MST1: variants seen among roughly 807,000 people sequenced by gnomAD.
MST1 encodes the protein hepatocyte growth factor-like protein.
Under a neutral mutation model 100.1 loss-of-function variants are expected in MST1, and 76 were observed. The ratio of observed to expected loss-of-function variants is 0.76; its 90% CI spans 0.63 to 0.92. The LOEUF (loss-of-function observed/expected upper bound fraction) is 0.92. Ranked by LOEUF, MST1 falls within the 40% of genes least tolerant of loss-of-function variation. The probability of loss-of-function intolerance (pLI) is 0.00; values close to 1 mark genes in which losing one functional copy is unlikely to be tolerated. For synonymous variants in MST1, 352 were observed against 385.4 expected (o/e 0.91, Z 1.01); for missense variants, 850 against 990.0 (o/e 0.86, Z 1.90).
Position 49,685,389 on chromosome 3 carries a change from G to A in MST1, c.1424-7C>T. 1.2e-6 allele frequency: 2 copies of A among 1,613,732 alleles called. No homozygotes were observed. The highest frequency in any genetic ancestry group is 1.7e-5 in the Admixed American group (1 of 60,018). ...TTCTCAAACTGCACCTGGTCTGTAGGATGGGGTGGGCTGGATGAAACCCAG... is the reference window on the plus strand; with the variant it reads ...TTCTCAAACTGCACCTGGTCTGTAGAATGGGGTGGGCTGGATGAAACCCAG... On this transcript the variant is annotated splice_polypyrimidine_tract_variant and splice_region_variant and intron_variant, in intron 12 of 17. Coordinates refer to ENST00000449682, the MANE Select transcript of MST1 (RefSeq NM_020998.4).
At chr3:49,685,174 C>A in intron 13 of MST1, 85 bp from the exon 14 acceptor site, 3 of 1,598,634 alleles carry the variant, frequency 1.9e-6, no homozygotes, top group Non-Finnish European at 2.6e-6. Flanking sequence ...CCTCTGGGGG[C>A]AGGGATAGAT....
chr3:49,686,296 C>G lies in MST1; in HGVS notation c.1016+17G>C, dbSNP rs1156303014. On this transcript the variant is annotated intron_variant, in intron 8 of 17. Coordinates refer to ENST00000449682, the MANE Select transcript of MST1 (RefSeq NM_020998.4). ...GCAGCAGCACGTCCCAACGCCCGCCCCCCCCCCCCACCTCACTTGCACGCG... is the reference window on the plus strand; with the variant it reads ...GCAGCAGCACGTCCCAACGCCCGCCGCCCCCCCCCACCTCACTTGCACGCG... 10 of 1,323,854 alleles carry G rather than the reference C, an allele frequency of 7.6e-6. No individual in the cohort carries two copies. Among genetic ancestry groups the G allele is most frequent in the Non-Finnish European group, 9.2e-6 (9 of 977,812 alleles). 82.0% of individuals were successfully genotyped at this position (1,323,854 alleles called of 1,614,324 possible).
At chr3:49,685,552 G>A (rs757078683) in intron 11 of MST1, 44 bp downstream of exon 11, 11 of 1,613,258 alleles carry the variant, frequency 6.8e-6, no homozygotes, top group Non-Finnish European at 7.6e-6. Flanking sequence ...GCCTTTGGGT[G>A]GGGGCTGAGG....
In MST1 at chr3:49,687,751, G is replaced by A. The variant is rs191996618; in HGVS notation, c.241C>T (p.Arg81Trp). Residue 81 changes from arginine (R) to tryptophan (W), a missense_variant and splice_region_variant, in exon 2 of 18, where the codon CGG (arginine) becomes TGG (tryptophan). Around this residue, in one of 2 missense-constraint regions of MST1, gnomAD observed 816 missense variants for 924.6 expected, o/e 0.88. Coordinates refer to ENST00000449682, the MANE Select transcript of MST1 (RefSeq NM_020998.4). ...TATCTAGGCCCAGTGGCCACTCACCGGCAGTCCATTAAGGGCCCACAGCGA... is the reference window on the plus strand; with the variant it reads ...TATCTAGGCCCAGTGGCCACTCACCAGCAGTCCATTAAGGGCCCACAGCGA... ...AGRCGPLMDCRAFHYNVSSHG... is the reference protein window; with the variant it reads ...AGRCGPLMDCWAFHYNVSSHG... The A allele has an allele frequency of 6.8e-6, 11 of 1,613,462 alleles. No homozygotes were observed. The highest frequency in any genetic ancestry group is 4.5e-5 in the East Asian group (2 of 44,882).
In MST1 at chr3:49,687,197, C is replaced by T. The variant is rs770716478; in HGVS notation, c.559G>A (p.Asp187Asn). The T allele has an allele frequency of 6.2e-7, 1 of 1,613,434 alleles. No homozygotes were observed. The highest frequency in any genetic ancestry group is 8.5e-7 in the Non-Finnish European group (1 of 1,179,884). Residue 187 changes from aspartate to asparagine, a missense_variant, in exon 5 of 18, where the codon GAC becomes AAC. Coordinates refer to ENST00000449682, the MANE Select transcript of MST1 (RefSeq NM_020998.4). ...DPGGPWCYTTDPAVRFQSCGI... is the reference protein window; with the variant it reads ...DPGGPWCYTTNPAVRFQSCGI... ...CAGCTCTGGAAGCGCACAGCAGGGT[C>T]TGTTGTGTAGCACCAAGGACCTCCG...
Position 49,687,435 on chromosome 3 carries a change from C to T in MST1, c.399G>A (p.Arg133=). The change falls in exon 4 of 18, where the codon CGG becomes CGA. Residue 133 remains arginine (R), a synonymous_variant. Transcript: ENST00000449682. The stretch of plus-strand genomic sequence containing the variant: ...CACCCACGGTCGTGGCCATGGTGCC[C>T]CGGTACCCAACCCCATTGTTCATGA... The part of the protein sequence containing the change: ...TCIMNNGVGY[R]GTMATTVGGL... The T allele has an allele frequency of 1.2e-6, 2 of 1,613,418 alleles. No homozygotes were observed. The highest frequency in any genetic ancestry group is 1.7e-6 in the Non-Finnish European group (2 of 1,179,872).
In MST1 at chr3:49,687,269, G is replaced by T; in HGVS notation, c.487C>A (p.Arg163=). 1 of 1,613,550 alleles carries T rather than the reference G, an allele frequency of 6.2e-7. No homozygotes were observed. The change falls in exon 5 of 18, where the codon CGG becomes AGG. Residue 163 remains arginine (R), a synonymous_variant. Coordinates refer to ENST00000449682, the MANE Select transcript of MST1 (RefSeq NM_020998.4). ...PNDHKYTPTL[R]NGLEENFCRN... is the part of the protein sequence containing the mutation. Reference sequence around the variant, plus strand: ...CAGAAGTTCTCTTCCAGGCCATTCCGGAGAGTGGGCGTGTACCTGAGGGCC... The same window carrying T: ...CAGAAGTTCTCTTCCAGGCCATTCCTGAGAGTGGGCGTGTACCTGAGGGCC...
In MST1 at chr3:49,684,094, C is replaced by G; in HGVS notation, c.2112G>C (p.Trp704Cys). The G allele has an allele frequency of 6.2e-7, 1 of 1,613,682 alleles. No homozygotes were observed. Among genetic ancestry groups the G allele is most frequent in the South Asian group, 1.1e-5 (1 of 91,072 alleles). Residue 704 changes from tryptophan to cysteine, a missense_variant, in exon 18 of 18, where the codon TGG becomes TGC. Physicochemically the swap from Trp to Cys is radical, Grantham distance 215. Around this residue, in one of 2 missense-constraint regions of MST1, gnomAD observed 816 missense variants for 924.6 expected, o/e 0.88. Transcript: ENST00000449682. ...CAGAGACACGCGTGAAGACAGCTGGCCAGCGGGACCTTGCGCATACTCGGT... is the reference window on the plus strand; with the variant it reads ...CAGAGACACGCGTGAAGACAGCTGGGCAGCGGGACCTTGCGCATACTCGGT... ...IPNRVCARSR[W>C]PAVFTRVSVF... is the part of the protein sequence containing the mutation.
In MST1 at chr3:49,686,077, C is replaced by A; in HGVS notation, c.1132G>T (p.Asp378Tyr). The A allele has an allele frequency of 6.2e-7, 1 of 1,610,340 alleles. No individual in the cohort carries two copies. The highest frequency in any genetic ancestry group is 2.2e-5 in the East Asian group (1 of 44,832). Residue 378 changes from aspartate to tyrosine, a missense_variant, in exon 9 of 18, where the codon GAC (aspartate) becomes TAC (tyrosine). Around this residue, in one of 2 missense-constraint regions of MST1, gnomAD observed 816 missense variants for 924.6 expected, o/e 0.88. Transcript: ENST00000449682. Reference sequence around the variant, plus strand: ...TGGGCCTCACCCTGGGGCCGCACGTCGTCTGTACAACGCCGGATCTGGTAG... The same window carrying A: ...TGGGCCTCACCCTGGGGCCGCACGTAGTCTGTACAACGCCGGATCTGGTAG... ...FCYQIRRCTDDVRPQDCYHGA... is the reference protein window; with the variant it reads ...FCYQIRRCTDYVRPQDCYHGA...
At chr3:49,687,708 C>G in intron 2 of MST1, 40 bp from the exon 3 acceptor site, 1 of 1,613,478 alleles carries the variant, frequency 6.2e-7, no homozygotes, top group Non-Finnish European at 8.5e-7. Flanking sequence ...ACAGCCCAGG[C>G]TTCCCTGCCC....
At chr3:49,688,364 G>A (rs1256111339) in intron 1 of MST1, 22 of 545,876 alleles carry the variant, frequency 4.0e-5, no homozygotes, top group South Asian at 3.2e-4. Context: ...TGCTGTGTGC[G>A]TGCATCTGTG....
At chr3:49,688,046 C>T in intron 1 of MST1, 149 bp from the exon 2 acceptor site, 4 of 1,251,196 alleles carry the variant, frequency 3.2e-6, no homozygotes, top group Non-Finnish European at 4.4e-6. Flanking sequence ...CCAGTCTAGC[C>T]CCCTGCACAG....
chr3:49,685,640 A>G lies in MST1; in HGVS notation c.1343T>C (p.Met448Thr), dbSNP rs374627079. 3.0e-5 allele frequency: 49 copies of G among 1,613,310 alleles called. No homozygotes were observed. Among genetic ancestry groups the G allele is most frequent in the Middle Eastern group, 3.3e-4 (2 of 6,078 alleles). Residue 448 changes from methionine to threonine, a missense_variant, in exon 11 of 18, where the codon ATG becomes ACG. Transcript: ENST00000449682. Reference protein sequence around the residue: ...GDSHGPWCYTMDPRTPFDYCA... With the variant: ...GDSHGPWCYTTDPRTPFDYCA... ...GTAGTCGAATGGGGTCCTTGGGTCC[A>G]TCGTGTAGCACCAGGGCCCATGGCT...
chr3:49,684,140 A>G lies in MST1; in HGVS notation c.2066T>C (p.Leu689Pro), dbSNP rs765150425. Residue 689 changes from leucine to proline, a missense_variant, in exon 18 of 18, where the codon CTG becomes CCG. Leu to Pro is a moderately conservative substitution (Grantham distance 98). Coordinates refer to ENST00000449682, the MANE Select transcript of MST1 (RefSeq NM_020998.4). ...LACFTHNCWV[L>P]EGIIIPNRVC... ...TCGGTTGGGGATTATAATTCCTTCC[A>G]GGACCCAGCAGTTGTGGGTAAAGCA... is the stretch of plus-strand genomic sequence containing the variant. 1.2e-6 allele frequency: 2 copies of G among 1,613,508 alleles called. No individual in the cohort carries two copies. The highest frequency in any genetic ancestry group is 8.5e-7 in the Non-Finnish European group (1 of 1,179,848).
chr3:49,686,995 T>C lies in MST1; in HGVS notation c.680A>G (p.Gln227Arg), dbSNP rs1458138929. The C allele has an allele frequency of 5.0e-6, 8 of 1,611,290 alleles. No homozygotes were observed. Among genetic ancestry groups the C allele is most frequent in the Non-Finnish European group, 5.9e-6 (7 of 1,179,786 alleles). Residue 227 changes from glutamine (Q) to arginine (R), a missense_variant, in exon 6 of 18, where the codon CAG (glutamine) becomes CGG (arginine). Physicochemically the swap from Gln to Arg is conservative, Grantham distance 43. Coordinates refer to ENST00000449682, the MANE Select transcript of MST1 (RefSeq NM_020998.4). ...GTGCGGGTGCTGAAGATCCCAGCGC[T>C]GGCACTCGCGCCCTGACTCCGTGCG... ...VDRTESGREC[Q>R]RWDLQHPHQH... is the part of the protein sequence containing the mutation.
chr3:49,687,887 C>G lies in MST1; in HGVS notation c.105G>C (p.Ser35=). ...GGAGCACTTGGAAGTCATTCAATGG[C>G]GAGCGCTGCCCTGCAGAGTAGGCAT... ...TQCLGVPGQR[S]PLNDFQVLRG... is the part of the protein sequence containing the mutation. The change falls in exon 2 of 18, where the codon TCG becomes TCC. Residue 35 remains serine, a synonymous_variant. Transcript: ENST00000449682. 1 of 1,613,284 alleles carries G rather than the reference C, an allele frequency of 6.2e-7. No homozygotes were observed. The highest frequency in any genetic ancestry group is 8.5e-7 in the Non-Finnish European group (1 of 1,179,740).
At position 49,684,190 on chromosome 3, in the gene MST1, C is replaced by T. The variant is rs371334584; in HGVS notation, c.2017-1G>A. On this transcript the variant is annotated splice_acceptor_variant, in intron 17 of 17. Transcript: ENST00000449682. LOFTEE classifies it high-confidence loss of function. ...AGGCAAGTGGGCCCCCGTAGTCACC[C>T]TGGCAGGTAGGAGAACTGATGAGGG... 6.2e-6 allele frequency: 10 copies of T among 1,611,560 alleles called. No homozygotes were observed. The African/African-American group carries it at 9.3e-5, about 15-fold the overall frequency.
Position 49,684,318 on chromosome 3 carries a change from C to G in MST1, c.2012G>C (p.Cys671Ser), listed in dbSNP as rs1483633622. 6.8e-6 allele frequency: 11 copies of G among 1,613,030 alleles called. No individual in the cohort carries two copies. Among genetic ancestry groups the G allele is most frequent in the Admixed American group, 1.7e-5 (1 of 60,022 alleles). Residue 671 changes from cysteine to serine, a missense_variant, in exon 17 of 18, where the codon TGT becomes TCT. Cys to Ser is a moderately radical substitution (Grantham distance 112). Around this residue, in one of 2 missense-constraint regions of MST1, gnomAD observed 816 missense variants for 924.6 expected, o/e 0.88. Transcript: ENST00000449682. ...GCCCAGGGCCCTGCCACCAACCTCA[C>G]AGGCCCCCACAGGGGCCAACAGTCC... is the stretch of plus-strand genomic sequence containing the variant. ...TEGLLAPVGA[C>S]EGDYGGPLAC...
chr3:49,687,592 G>C lies in MST1; in HGVS notation c.319C>G (p.Arg107Gly). 6.2e-7 allele frequency: 1 copy of C among 1,613,536 alleles called. No individual in the cohort carries two copies. Among genetic ancestry groups the C allele is most frequent in the Non-Finnish European group, 8.5e-7 (1 of 1,179,868 alleles). Residue 107 changes from arginine (R) to glycine (G), a missense_variant, in exon 3 of 18, where the codon CGG (arginine) becomes GGG (glycine). By Grantham distance (125) the Arg-to-Gly change is moderately radical. Transcript: ENST00000449682. ...WTQHSPHTRLRRSGRCDLFQK... is the reference protein window; with the variant it reads ...WTQHSPHTRLGRSGRCDLFQK... Reference sequence around the variant, plus strand: ...AAGAGGTCACAGCGCCCAGAACGCCGCAGCCTCGTGTGGGGCGAGTGTTGA... The same window carrying C: ...AAGAGGTCACAGCGCCCAGAACGCCCCAGCCTCGTGTGGGGCGAGTGTTGA...
Sources: gnomAD v4.1 joint callset for allele counts on GRCh38, gnomAD v4.1.1 for gene constraint, gnomAD v4.1.1 regional missense constraint, MANE v1.5 for transcripts, NCBI Gene and HGNC (gene_info 2026-07-23, HGNC 2026-07-21) for gene names.